NAV3: variants seen among roughly 807,000 people sequenced by gnomAD.
The protein encoded by NAV3 is neuron navigator 3.
A neutral mutation model predicts 244.7 loss-of-function variants in NAV3; 87 were observed. The ratio of observed to expected loss-of-function variants is 0.36; its 90% CI spans 0.30 to 0.42. The LOEUF (loss-of-function observed/expected upper bound fraction) is 0.42. Among genes scored for constraint, NAV3 ranks in the 20% least tolerant of loss-of-function variants. The probability of loss-of-function intolerance (pLI) is 1.00; values close to 1 mark genes in which losing one functional copy is unlikely to be tolerated. For missense variants in NAV3, 2,663 were observed against 2,893.3 expected (o/e 0.92, Z 1.83); for synonymous variants, 1,126 against 1,042.2 (o/e 1.08, Z -1.55).
At chr12:77,859,583 C>G (rs1263554119) in intron 1 of NAV3, among the ~76,000 whole-genome samples, 4 of 142,692 alleles carry the variant, frequency 2.8e-5, no homozygotes, top group Non-Finnish European at 6.1e-5. Flanking sequence ...CTAACCTGCA[C>G]AATGTGCACA....
chr12:77,681,017 C>G (rs1368495787), intron 2 of NAV3, among the ~76,000 whole-genome samples: 1 of 152,072 alleles, frequency 6.6e-6, no homozygotes, highest in Non-Finnish European at 1.5e-5. Flanking sequence ...ATTTCTGGCC[C>G]TGGGATCTTA....
At chr12:78,161,774 T>C (rs1407213482) in intron 23 of NAV3, among the ~76,000 whole-genome samples, 1 of 152,158 alleles carries the variant, frequency 6.6e-6, no homozygotes, top group Non-Finnish European at 1.5e-5. Context: ...AACTAGTTTA[T>C]TAATTTGAGA....
At chr12:78,172,938 A>G (rs1161736480) in intron 24 of NAV3, among the ~76,000 whole-genome samples, 2 of 151,612 alleles carry the variant, frequency 1.3e-5, no homozygotes, top group Non-Finnish European at 3.0e-5. Flanking sequence ...GCTATTGTTT[A>G]TAGAATGGTT....
intron 2 of NAV3, among the ~76,000 whole-genome samples, chr12:77,628,819 A>C (rs1199044447): frequency 6.6e-6 from 1 of 151,842 alleles, no homozygotes; most frequent in African/African-American, 2.4e-5. Flanking sequence ...TGAGCCCAGG[A>C]ACTCAAGGCA....
intron 2 of NAV3, among the ~76,000 whole-genome samples, chr12:77,635,742 A>C (rs1407838465): frequency 6.6e-6 from 1 of 152,214 alleles, no homozygotes; most frequent in Non-Finnish European, 1.5e-5. Context: ...ACTCTGCTAT[A>C]AATATTATCC....
chr12:78,148,814 T>G (rs444864), intron 21 of NAV3, 28 bp from the exon 22 acceptor site: 519,684 of 1,593,154 alleles, frequency 0.33, 88,541 homozygotes, highest in Admixed American at 0.54. Context: ...TACTTGCCTA[T>G]TCCATTGATT....
At chr12:77,682,107 T>C (rs1874498750) in intron 2 of NAV3, among the ~76,000 whole-genome samples, 1 of 152,106 alleles carries the variant, frequency 6.6e-6, no homozygotes, top group African/African-American at 2.4e-5. Flanking sequence ...TTTTGTGTTC[T>C]TTGACCAACC....
intron 2 of NAV3, among the ~76,000 whole-genome samples, chr12:77,616,728 G>A (rs199995901): frequency 0.042 from 6,239 of 148,892 alleles, 242 homozygotes; most frequent in African/African-American, 0.11. Flanking sequence ...ACACACAGGC[G>A]CGCACACACA....
At chr12:77,724,984 T>C (rs1463898456) in intron 2 of NAV3, among the ~76,000 whole-genome samples, 4 of 152,034 alleles carry the variant, frequency 2.6e-5, no homozygotes, top group Non-Finnish European at 5.9e-5. Context: ...GTACATTTTA[T>C]AATCTTGTCA....
intron 29 of NAV3, among the ~76,000 whole-genome samples, chr12:78,180,225 T>C (rs898592906): frequency 6.6e-6 from 1 of 152,146 alleles, no homozygotes; most frequent in South Asian, 2.1e-4. Flanking sequence ...GTGCTCAGAC[T>C]AAGTTTTCAT....
chr12:78,147,090 C>T (rs1956893045), intron 21 of NAV3, among the ~76,000 whole-genome samples: 1 of 152,050 alleles, frequency 6.6e-6, no homozygotes, highest in Non-Finnish European at 1.5e-5. Context: ...GCCTTAACAA[C>T]AGCTTTTGCA....
intron 1 of NAV3, among the ~76,000 whole-genome samples, chr12:77,872,980 G>A (rs1268537753): frequency 2.6e-5 from 4 of 152,208 alleles, no homozygotes; most frequent in Non-Finnish European, 5.9e-5. Context: ...GGACCCCGCA[G>A]GAGGTAATTG....
At chr12:77,732,295 G>A (rs1025691266) in intron 2 of NAV3, among the ~76,000 whole-genome samples, 2 of 151,764 alleles carry the variant, frequency 1.3e-5, no homozygotes, top group Non-Finnish European at 2.9e-5. Context: ...AGATGAGGAG[G>A]GACTTAAGAA....
rs542903390 is a variant in NAV3 at position 77,746,033 on chromosome 12, A to G, written c.72+173767A>G. 2.6e-5 allele frequency among the ~76,000 whole-genome samples: 4 copies of G among 151,068 alleles called. No individual in the cohort carries two copies. The East Asian group carries it at 7.8e-4, about 29-fold the overall frequency. On this transcript the variant is annotated intron_variant, in intron 2 of 8. Transcript: ENST00000550042. The stretch of plus-strand genomic sequence containing the variant: ...GAACATGTCTATCCTATAATCCAGT[A>G]GTAAATTATGGTAACCTGATGCACA...
At chr12:77,662,251 A>ATCTG (rs1374536459) in intron 2 of NAV3, among the ~76,000 whole-genome samples, 5 of 151,432 alleles carry the variant, frequency 3.3e-5, no homozygotes, top group South Asian at 4.2e-4. Context: ...CTATCTATCT[A>ATCTG]TCTATCTATC....
At chr12:78,010,515 A>G (rs1033320169) in intron 8 of NAV3, among the ~76,000 whole-genome samples, 4 of 152,170 alleles carry the variant, frequency 2.6e-5, no homozygotes, top group Admixed American at 1.3e-4. Context: ...CCAGAAATGA[A>G]GAAGCAGAGA....
At position 78,119,915 on chromosome 12, in the gene NAV3, A is replaced by G. The variant is rs1311493820; in HGVS notation, c.3719A>G (p.Tyr1240Cys). 6.2e-7 allele frequency: 1 copy of G among 1,613,966 alleles called. No homozygotes were observed. Among genetic ancestry groups the G allele is most frequent in the Middle Eastern group, 1.6e-4 (1 of 6,062 alleles). The change falls in exon 15 of 40, where the codon TAT becomes TGT. Residue 1240 changes from tyrosine to cysteine, a missense_variant. Physicochemically the swap from Tyr to Cys is radical, Grantham distance 194. Coordinates refer to ENST00000397909, the MANE Select transcript of NAV3 (RefSeq NM_001024383.2). ...AQGLRQPGSKYPDIASPTFRR... is the reference protein window; with the variant it reads ...AQGLRQPGSKCPDIASPTFRR... Reference sequence around the variant, plus strand: ...GGTCTCAGGCAGCCAGGATCCAAGTATCCAGATATTGCCTCACCCACATTT... The same window carrying G: ...GGTCTCAGGCAGCCAGGATCCAAGTGTCCAGATATTGCCTCACCCACATTT...
intron 2 of NAV3, among the ~76,000 whole-genome samples, chr12:77,727,177 G>A (rs1205747377): frequency 6.6e-6 from 1 of 151,894 alleles, no homozygotes; most frequent in Non-Finnish European, 1.5e-5. Context: ...ACTAGGACTG[G>A]TGTAGGCTGA....
chr12:77,824,365 T>A (rs1176058353), intron 2 of NAV3, among the ~76,000 whole-genome samples: 1 of 150,162 alleles, frequency 6.7e-6, no homozygotes, highest in African/African-American at 2.5e-5. Context: ...AGTGCTGGGA[T>A]TACAGGCATG....
Sources: allele counts gnomAD v4.1 joint callset (sites outside exome capture counted in the v4.1 genomes callset), GRCh38; gene constraint gnomAD v4.1.1; transcripts MANE v1.5; gene names NCBI Gene and HGNC (gene_info 2026-07-23, HGNC 2026-07-21).